The following DPH6 variants were observed in gnomAD, a reference collection of about 807,000 sequenced individuals.
DPH6 encodes the protein diphthamine biosynthesis 6, also known as diphthine--ammonia ligase.
DPH6 carries 33 observed loss-of-function variants against 38.2 expected under a neutral mutation model. That is an observed-to-expected ratio of 0.86 (90% confidence interval 0.65 to 1.15). The LOEUF (loss-of-function observed/expected upper bound fraction) is 1.15. Among genes scored for constraint, DPH6 ranks in the 50% most tolerant of loss-of-function variants. DPH6 has a pLI of 0.00. For synonymous variants in DPH6, 108 were observed against 103.0 expected (o/e 1.05, Z -0.30); for missense variants, 325 against 320.0 (o/e 1.02, Z -0.12).
At chr15:35,161,061 AG>A in the DPH6 span, among the ~76,000 whole-genome samples, 1 of 152,004 alleles carries the variant, frequency 6.6e-6, no homozygotes, top group Admixed American at 6.6e-5. Context: ...TAATGGGTGC[AG>A]CACACCAACA....
chr15:35,357,488 T>C (rs147482655), intron 3 of DPH6, among the ~76,000 whole-genome samples: 2 of 152,238 alleles, frequency 1.3e-5, no homozygotes, highest in African/African-American at 4.8e-5. Context: ...TTCTGTGTGA[T>C]TTAGCATTAA....
At chr15:35,203,924 T>G in the DPH6 span, among the ~76,000 whole-genome samples, 1 of 151,700 alleles carries the variant, frequency 6.6e-6, no homozygotes, top group East Asian at 1.9e-4. Context: ...TCTTCAGTAG[T>G]CTTTTGGTGG....
intron 3 of DPH6, among the ~76,000 whole-genome samples, chr15:35,351,589 G>T (rs1441889779): frequency 1.3e-5 from 2 of 152,098 alleles, no homozygotes; most frequent in African/African-American, 4.8e-5. Context: ...TGGTTACCAT[G>T]GAGATCACAT....
chr15:35,462,926 T>C (rs991071396), intron 3 of DPH6, among the ~76,000 whole-genome samples: 1 of 152,044 alleles, frequency 6.6e-6, no homozygotes, highest in African/African-American at 2.4e-5. Flanking sequence ...AGGCAATAAA[T>C]AGAAATAAAA....
intron 3 of DPH6, among the ~76,000 whole-genome samples, chr15:35,486,931 T>C (rs1450319205): frequency 1.3e-5 from 2 of 152,058 alleles, no homozygotes; most frequent in Non-Finnish European, 2.9e-5. Context: ...CCATTCGGAA[T>C]GGGAGAAATT....
downstream of DPH6, among the ~76,000 whole-genome samples, chr15:35,213,167 A>G (rs899890286): frequency 1.3e-5 from 2 of 152,194 alleles, no homozygotes; most frequent in African/African-American, 2.4e-5. Context: ...CTGTAATTAC[A>G]TGATTCTTTC....
chr15:35,155,693 G>A, the DPH6 span, among the ~76,000 whole-genome samples: 2 of 152,192 alleles, frequency 1.3e-5, no homozygotes, highest in Non-Finnish European at 2.9e-5. Context: ...CAGCTTGAGG[G>A]AGACTGGGTC....
intron 1 of DPH6, among the ~76,000 whole-genome samples, chr15:35,542,762 C>T (rs1203876844): frequency 6.7e-6 from 1 of 149,614 alleles, no homozygotes; most frequent in African/African-American, 2.5e-5. Flanking sequence ...TAACTTTTTG[C>T]TTTGTGATAG....
chr15:35,501,383 A>C (rs188231566), intron 3 of DPH6, among the ~76,000 whole-genome samples: 93 of 152,328 alleles, frequency 6.1e-4, no homozygotes, highest in African/African-American at 2.1e-3. Flanking sequence ...GTAGTTCCCC[A>C]GACTGCCGAC....
chr15:35,441,948 G>C (rs1039417176), intron 5 of DPH6, among the ~76,000 whole-genome samples: 9 of 151,932 alleles, frequency 5.9e-5, no homozygotes, highest in African/African-American at 2.2e-4. Context: ...GAAAACATAG[G>C]AGTAAATCTC....
intron 6 of DPH6, among the ~76,000 whole-genome samples, chr15:35,384,644 C>G (rs568985698): frequency 9.9e-5 from 15 of 151,094 alleles, no homozygotes; most frequent in Admixed American, 9.9e-4. Flanking sequence ...GCCTGAGGGT[C>G]AAGAGTGAAA....
intron 3 of DPH6, among the ~76,000 whole-genome samples, chr15:35,363,775 G>A (rs1237619385): frequency 6.6e-6 from 1 of 151,186 alleles, no homozygotes; most frequent in Non-Finnish European, 1.5e-5. Context: ...TACTTCATTA[G>A]ATTATATTAT....
At chr15:35,438,777 T>C (rs891127260) in intron 5 of DPH6, among the ~76,000 whole-genome samples, 57 of 152,358 alleles carry the variant, frequency 3.7e-4, no homozygotes, top group African/African-American at 1.4e-3. Context: ...CATGTGACTT[T>C]AGTCTTTGAG....
chr15:35,220,018 T>C lies in DPH6; in HGVS notation n.765A>G, dbSNP rs1023983394. 4 of 152,354 alleles carry C rather than the reference T, an allele frequency of 2.6e-5. No individual in the cohort carries two copies. The East Asian group carries it at 5.8e-4, about 22-fold the overall frequency. 9.4% of individuals were successfully genotyped at this position (152,354 alleles called of 1,614,324 possible). On this transcript the variant is annotated non_coding_transcript_exon_variant, in exon 4 of 4. Coordinates refer to the DPH6 transcript ENST00000560386. ...AACTGAACCTTACTATGCTAAGCTT[T>C]CTTTTAATATTACCCACAATGACTT...
chr15:35,496,820 T>C (rs1003670346), intron 3 of DPH6, among the ~76,000 whole-genome samples: 14 of 151,784 alleles, frequency 9.2e-5, no homozygotes, highest in African/African-American at 3.1e-4. Flanking sequence ...CTCTCAACTT[T>C]TACTCTGGGC....
chr15:35,343,026 T>C (rs2052434343), intron 3 of DPH6, among the ~76,000 whole-genome samples: 2 of 152,212 alleles, frequency 1.3e-5, no homozygotes, highest in Admixed American at 6.5e-5. Context: ...ATGTCATCCA[T>C]ATATATTTCA....
At chr15:35,282,153 C>T (rs1595459764) in intron 3 of DPH6, among the ~76,000 whole-genome samples, 1 of 152,202 alleles carries the variant, frequency 6.6e-6, no homozygotes, top group East Asian at 1.9e-4. Flanking sequence ...CTACATGATT[C>T]AGCTTCTGCA....
chr15:35,489,044 C>T (rs1439704918), intron 3 of DPH6, among the ~76,000 whole-genome samples: 1 of 152,080 alleles, frequency 6.6e-6, no homozygotes, highest in Non-Finnish European at 1.5e-5. Context: ...CTATGTGGCA[C>T]CCACAGACTT....
intron 3 of DPH6, among the ~76,000 whole-genome samples, chr15:35,351,972 G>C (rs1337406856): frequency 1.3e-5 from 2 of 151,886 alleles, no homozygotes; most frequent in Non-Finnish European, 2.9e-5. Flanking sequence ...CTCCCATCTC[G>C]GCCTCCCAAA....
Sources: allele counts gnomAD v4.1 joint callset (sites outside exome capture counted in the v4.1 genomes callset), GRCh38; gene constraint gnomAD v4.1.1; transcripts MANE v1.5; gene names NCBI Gene and HGNC (gene_info 2026-07-23, HGNC 2026-07-21).